The following DMD variants were observed in gnomAD, a reference collection of about 807,000 sequenced individuals.
DMD encodes dystrophin.
DMD carries 63 observed loss-of-function variants against 330.1 expected under a neutral mutation model. The ratio of observed to expected loss-of-function variants is 0.19; its 90% CI spans 0.16 to 0.24. DMD has a LOEUF of 0.24. DMD is among the 10% of genes least tolerant of loss of function. The pLI, the probability that DMD is intolerant of heterozygous loss-of-function variation, is 1.00. For missense variants in DMD, 3,344 were observed against 2,684.1 expected, an observed-to-expected ratio of 1.25 and a Z score of -5.43; for synonymous variants, 1,223 against 959.8, an observed-to-expected ratio of 1.27 and a Z score of -5.07.
intron 43 of DMD, among the ~76,000 whole-genome samples, chrX:32,271,832 G>A (rs1055541692): frequency 6.3e-5 from 7 of 111,321 alleles, no homozygotes; most frequent in African/African-American, 2.3e-4. Context: ...TTAGTATAGC[G>A]AAATGAAAGG....
intron 19 of DMD, among the ~76,000 whole-genome samples, chrX:32,492,348 T>C (rs61589114): frequency 0.016 from 1,806 of 112,317 alleles, 41 homozygotes; most frequent in African/African-American, 0.054. Context: ...ATATTGTCCA[T>C]GGATGCGAGG....
At chrX:31,651,854 T>C (rs1324435731) in intron 54 of DMD, among the ~76,000 whole-genome samples, 1 of 111,641 alleles carries the variant, frequency 9.0e-6, no homozygotes, top group African/African-American at 3.3e-5. Flanking sequence ...TTCCTAATGG[T>C]CTCACTACTT....
chrX:32,116,433 C>T (rs1213886727), intron 44 of DMD, among the ~76,000 whole-genome samples: 5 of 112,146 alleles, frequency 4.5e-5, no homozygotes, highest in African/African-American at 1.3e-4. Context: ...GTAAGTTCTA[C>T]GAGACTAGGG....
In DMD at chrX:33,160,914, T is replaced by C. The variant is rs185243527; in HGVS notation, c.31+50368A>G. ...AAGGATTTTTAAACCTTTAATCTTATTTAAATTAGAACTCTATCAATGAAT... is the reference window on the plus strand; with the variant it reads ...AAGGATTTTTAAACCTTTAATCTTACTTAAATTAGAACTCTATCAATGAAT... On this transcript the variant is annotated intron_variant, in intron 1 of 78. Transcript: ENST00000357033. Among the ~76,000 whole-genome samples, 69 of 111,866 alleles carry C rather than the reference T, an allele frequency of 6.2e-4. 1 individual carries two copies. The highest frequency in any genetic ancestry group is 2.0e-3 in the African/African-American group (63 of 30,838).
intron 7 of DMD, among the ~76,000 whole-genome samples, chrX:32,724,268 G>A (rs1451037676): frequency 1.8e-5 from 2 of 111,446 alleles, no homozygotes; most frequent in African/African-American, 3.3e-5. Flanking sequence ...TAAACGAGGT[G>A]AATAAAATAG....
chrX:31,927,116 G>A (rs1333491075), intron 47 of DMD, among the ~76,000 whole-genome samples: 1 of 112,047 alleles, frequency 8.9e-6, no homozygotes, highest in Non-Finnish European at 1.9e-5. Context: ...GGGATACAGA[G>A]GCATATGGAT....
chrX:33,289,555 G>A (rs1451498668), intron 1 of DMD, among the ~76,000 whole-genome samples: 1 of 111,538 alleles, frequency 9.0e-6, no homozygotes, highest in African/African-American at 3.3e-5. Context: ...GGTGTTTCAA[G>A]GAAGGCCACA....
intron 48 of DMD, among the ~76,000 whole-genome samples, chrX:31,845,375 G>GTCTCTCTCTCTCTCTCTCTCTCTCTCTC (rs535397626): frequency 1.7e-5 from 1 of 60,115 alleles, no homozygotes; most frequent in South Asian, 1.3e-3. Flanking sequence ...ACAGAATAAA[G>GTCTCTCTCTCTCTCTCTCTCTCTCTCTC]TCTCTCTCTC....
At chrX:32,808,640 G>C (rs2077124722) in intron 7 of DMD, among the ~76,000 whole-genome samples, 1 of 111,640 alleles carries the variant, frequency 9.0e-6, no homozygotes, top group Non-Finnish European at 1.9e-5. Context: ...TTTTGGAATT[G>C]ATGAAATCGA....
intron 51 of DMD, among the ~76,000 whole-genome samples, chrX:31,730,355 A>G (rs893950450): frequency 4.5e-5 from 5 of 111,923 alleles, no homozygotes; most frequent in African/African-American, 1.3e-4. Flanking sequence ...CAAATCTTGC[A>G]TTTTAAATAA....
At chrX:31,327,677 C>T (rs934420441) in intron 61 of DMD, among the ~76,000 whole-genome samples, 1 of 111,661 alleles carries the variant, frequency 9.0e-6, no homozygotes, top group African/African-American at 3.3e-5. Flanking sequence ...ACCGATACAG[C>T]AATCACTGGA....
chrX:32,845,672 C>G (rs1408654085), intron 3 of DMD, among the ~76,000 whole-genome samples: 1 of 111,449 alleles, frequency 9.0e-6, no homozygotes, highest in Non-Finnish European at 1.9e-5. Flanking sequence ...TTGCAAAGTT[C>G]TCACCTAAAC....
intron 45 of DMD, among the ~76,000 whole-genome samples, chrX:31,944,522 G>A (rs987161852): frequency 3.0e-5 from 3 of 99,762 alleles, no homozygotes; most frequent in Non-Finnish European, 5.9e-5. Flanking sequence ...TCTGTCGCCC[G>A]GCTGGAGTGC....
At chrX:32,857,272 ATAAATCT>A (rs2081654115) in intron 2 of DMD, among the ~76,000 whole-genome samples, 1 of 112,201 alleles carries the variant, frequency 8.9e-6, no homozygotes, top group East Asian at 2.8e-4. Context: ...TAATATACAC[ATAAATCT>A]TAAAACAGTG....
At chrX:31,822,653 G>GGGTGTGTGTGTGTGTGT (rs58903799) in intron 49 of DMD, among the ~76,000 whole-genome samples, 1,051 of 65,814 alleles carry the variant, frequency 0.016, 37 homozygotes, top group African/African-American at 0.038. Context: ...AAGGCAGAGG[G>GGGTGTGTGTGTGTGTGT]GTGTGTGTGT....
chrX:32,136,357 T>C (rs1336162958), intron 44 of DMD, among the ~76,000 whole-genome samples: 4 of 112,517 alleles, frequency 3.6e-5, no homozygotes, highest in African/African-American at 1.3e-4. Context: ...CCATTTATAC[T>C]AGAATAATAT....
At chrX:32,054,936 AC>A (rs1379420501) in intron 44 of DMD, among the ~76,000 whole-genome samples, 2 of 108,952 alleles carry the variant, frequency 1.8e-5, no homozygotes, top group Non-Finnish European at 3.8e-5. Context: ...AACCAGAGAT[AC>A]AAGGATGCAA....
At chrX:31,289,090 G>C (rs1198886481) in intron 62 of DMD, among the ~76,000 whole-genome samples, 1 of 106,623 alleles carries the variant, frequency 9.4e-6, no homozygotes, top group Admixed American at 1.0e-4. Flanking sequence ...GACCAACCTG[G>C]CCAACATGGT....
intron 44 of DMD, among the ~76,000 whole-genome samples, chrX:32,022,215 T>C (rs746512258): frequency 1.8e-5 from 2 of 112,097 alleles, no homozygotes; most frequent in South Asian, 3.7e-4. Context: ...AGTTGATATA[T>C]TGAATTATCA....
Sources: allele counts gnomAD v4.1 joint callset (sites outside exome capture counted in the v4.1 genomes callset), GRCh38; gene constraint gnomAD v4.1.1; transcripts MANE v1.5; gene names NCBI Gene and HGNC (gene_info 2026-07-23, HGNC 2026-07-21).